SMARCA2: variants seen among roughly 807,000 people sequenced by gnomAD.
SMARCA2 encodes the protein SWI/SNF-related matrix-associated actin-dependent regulator of chromatin subfamily A member 2.
Under a neutral mutation model 199.8 loss-of-function variants are expected in SMARCA2, and 61 were observed. The observed-to-expected ratio is 0.31, with a 90% CI of 0.25 to 0.38. SMARCA2 has a LOEUF of 0.38. Among genes scored for constraint, SMARCA2 ranks in the 10% least tolerant of loss-of-function variants. SMARCA2 has a pLI of 1.00. For missense variants in SMARCA2, 1,344 were observed against 2,012.2 expected (o/e 0.67, Z 6.35); for synonymous variants, 935 against 732.0 (o/e 1.28, Z -4.48).
chr9:2,032,962 G>A lies in SMARCA2; in HGVS notation c.236G>A (p.Gly79Asp), dbSNP rs1159193102. The change falls in exon 3 of 34, where the codon GGT becomes GAT. Residue 79 changes from glycine (G) to aspartate (D), a missense_variant. By Grantham distance (94) the Gly-to-Asp change is moderately conservative. This residue lies in a region of SMARCA2 where 275 missense variants were observed against 247.5 expected (regional missense o/e 1.11). Transcript: ENST00000349721. ...CTTTAAATGTTTCAGCCCATCGATG[G>A]TATACATGACAAGGGGATTGTAGAA... ...GMHQMHKPID[G>D]IHDKGIVEDI... 6.2e-7 allele frequency: 1 copy of A among 1,613,762 alleles called. No homozygotes were observed. The highest frequency in any genetic ancestry group is 8.5e-7 in the Non-Finnish European group (1 of 1,179,766).
chr9:2,137,613 A>T (rs1001464915), intron 27 of SMARCA2, among the ~76,000 whole-genome samples: 1 of 152,134 alleles, frequency 6.6e-6, no homozygotes, highest in African/African-American at 2.4e-5. Context: ...CATATCACCT[A>T]TGTTAACTTT....
Position 2,039,928 on chromosome 9 carries a change from A to G in SMARCA2, c.790+28A>G, listed in dbSNP as rs1036166850. On this transcript the variant is annotated intron_variant, in intron 4 of 33. Coordinates refer to ENST00000349721, the MANE Select transcript of SMARCA2 (RefSeq NM_003070.5). This position sits in a 1 kb window ranked among gnomAD's most constrained non-coding sequence, Gnocchi z 4.8. ...AGGTTAATACGCAACCAAATGAATA[A>G]TGCCATGGTCCAACTCGGATAACAA... The G allele has an allele frequency of 1.2e-6, 2 of 1,609,792 alleles. No homozygotes were observed. The highest frequency in any genetic ancestry group is 1.7e-6 in the Non-Finnish European group (2 of 1,178,038).
At chr9:2,048,634 A>G (rs971587361) in intron 5 of SMARCA2, among the ~76,000 whole-genome samples, 2 of 152,254 alleles carry the variant, frequency 1.3e-5, no homozygotes, top group Non-Finnish European at 2.9e-5. Flanking sequence ...GTAATCTGAA[A>G]GAAATCAGAA....
chr9:2,083,382 G>T lies in SMARCA2; in HGVS notation c.2384G>T (p.Trp795Leu). ...AACTGGACATATGAATTTGACAAAT[G>T]GGCTCCTTCTGTGGTGAAGATTTCT... is the stretch of plus-strand genomic sequence containing the variant. ...LSNWTYEFDKWAPSVVKISYK... is the reference protein window; with the variant it reads ...LSNWTYEFDKLAPSVVKISYK... The change falls in exon 16 of 34, where the codon TGG becomes TTG. Residue 795 changes from tryptophan (W) to leucine (L), a missense_variant. By Grantham distance (61) the Trp-to-Leu change is moderately conservative. Around this residue, in one of 18 missense-constraint regions of SMARCA2, gnomAD observed 50 missense variants for 81.6 expected, o/e 0.61. Transcript: ENST00000349721. 6.2e-7 allele frequency: 1 copy of T among 1,603,336 alleles called. No homozygotes were observed. Among genetic ancestry groups the T allele is most frequent in the South Asian group, 1.1e-5 (1 of 90,166 alleles).
At chr9:2,070,952 C>T (rs1221866146) in intron 10 of SMARCA2, among the ~76,000 whole-genome samples, 1 of 152,148 alleles carries the variant, frequency 6.6e-6, no homozygotes, top group Non-Finnish European at 1.5e-5. Flanking sequence ...GTATGTTCAT[C>T]AGCCTAGTCC....
intron 27 of SMARCA2, among the ~76,000 whole-genome samples, chr9:2,157,033 A>T (rs1022011450): frequency 2.0e-5 from 3 of 152,196 alleles, no homozygotes; most frequent in Non-Finnish European, 4.4e-5. Context: ...TCAAAAACTT[A>T]CTGTCCAAAG....
At chr9:2,091,029 C>T (rs1457436526) in intron 19 of SMARCA2, among the ~76,000 whole-genome samples, 1 of 152,170 alleles carries the variant, frequency 6.6e-6, no homozygotes, top group Non-Finnish European at 1.5e-5. Flanking sequence ...TAAATACTTT[C>T]ACAGCAGTAA....
At chr9:2,145,991 C>T (rs1022996737) in intron 27 of SMARCA2, among the ~76,000 whole-genome samples, 6 of 152,134 alleles carry the variant, frequency 3.9e-5, no homozygotes, top group African/African-American at 1.4e-4. Flanking sequence ...TGGCATGCTA[C>T]AGTGTGGCAT....
At chr9:2,121,417 G>T (rs1586726804) in intron 26 of SMARCA2, among the ~76,000 whole-genome samples, 2 of 152,174 alleles carry the variant, frequency 1.3e-5, no homozygotes, top group East Asian at 3.8e-4. Flanking sequence ...ACAGATTTTA[G>T]GTTTGGTTTA....
At chr9:2,144,723 T>G (rs868684354) in intron 27 of SMARCA2, among the ~76,000 whole-genome samples, 1 of 152,206 alleles carries the variant, frequency 6.6e-6, no homozygotes, top group Non-Finnish European at 1.5e-5. Flanking sequence ...TTATGGCTTA[T>G]GTCCCCTCCA....
chr9:2,164,156 G>A (rs375816392), intron 28 of SMARCA2, among the ~76,000 whole-genome samples: 2 of 152,038 alleles, frequency 1.3e-5, no homozygotes, highest in Admixed American at 6.6e-5. Flanking sequence ...TGCTTTTTAC[G>A]CCCGACTCAC....
rs79654091 is a variant in SMARCA2, at chr9:2,088,720, G to C, written c.2883+107G>C. 0.014 allele frequency: 11,069 copies of C among 767,130 alleles called. 104 individuals are homozygous for C. The highest frequency in any genetic ancestry group is 0.019 in the Non-Finnish European group (8,550 of 451,244). 47.5% of individuals were successfully genotyped at this position (767,130 alleles called of 1,614,324 possible). A position where few individuals can be genotyped will look rare whatever the true frequency, so the allele number is the denominator to read the frequency against. ...TCTGAAACAGCAGACTCATATTGTA[G>C]TTAATAGTATCTTGAAAATATCTTA... On this transcript the variant is annotated intron_variant, in intron 19 of 33. Transcript: ENST00000349721.
At chr9:2,051,345 A>C (rs771418529) in intron 5 of SMARCA2, among the ~76,000 whole-genome samples, 5 of 152,146 alleles carry the variant, frequency 3.3e-5, no homozygotes, top group Non-Finnish European at 7.4e-5. Flanking sequence ...ACTGACAAAT[A>C]ACTGGGCTCC....
chr9:2,114,802 A>G (rs1823147840), intron 24 of SMARCA2, among the ~76,000 whole-genome samples: 1 of 152,170 alleles, frequency 6.6e-6, no homozygotes, highest in African/African-American at 2.4e-5. Flanking sequence ...GTGAAATAAC[A>G]CCTATAATCT....
At chr9:2,096,283 T>C (rs1221686939) in intron 19 of SMARCA2, among the ~76,000 whole-genome samples, 1 of 152,310 alleles carries the variant, frequency 6.6e-6, no homozygotes, top group African/African-American at 2.4e-5. Context: ...AACCGTTCTG[T>C]TCATAGGAAA....
chr9:2,019,465 G>C (rs1411326858), intron 1 of SMARCA2, among the ~76,000 whole-genome samples: 1 of 147,938 alleles, frequency 6.8e-6, no homozygotes, highest in African/African-American at 2.5e-5. Context: ...CTTGAAAAGT[G>C]CTTTGACCAA....
chr9:2,055,911 T>G (rs1432265730), intron 6 of SMARCA2, among the ~76,000 whole-genome samples: 1 of 152,264 alleles, frequency 6.6e-6, no homozygotes, highest in East Asian at 1.9e-4. Flanking sequence ...TATTGATTTC[T>G]GATTTTTGTT....
Position 2,088,598 on chromosome 9 carries a change from C to T in SMARCA2, c.2868C>T (p.Ser956=), listed in dbSNP as rs1821908848. The T allele has an allele frequency of 6.3e-7, 1 of 1,587,642 alleles. No homozygotes were observed. The highest frequency in any genetic ancestry group is 1.4e-5 in the African/African-American group (1 of 72,846). The change falls in exon 19 of 34, where the codon TCC becomes TCT. Residue 956 remains serine, a synonymous_variant. Transcript: ENST00000349721. ...LLRRLKKEVE[S]QLPEKVEYVI... ...GGAGACTGAAGAAAGAAGTTGAATC[C>T]CAGCTTCCCGAAAAAGTATGTTGCA...
At chr9:2,071,188 C>T (rs1821071270) in intron 10 of SMARCA2, among the ~76,000 whole-genome samples, 2 of 152,296 alleles carry the variant, frequency 1.3e-5, no homozygotes, top group South Asian at 4.1e-4. Context: ...GAGGTTGCCA[C>T]TTCCCATTCT....
Sources: allele counts gnomAD v4.1 joint callset (sites outside exome capture counted in the v4.1 genomes callset), GRCh38; gene constraint gnomAD v4.1.1; regional missense constraint gnomAD v4.1.1; non-coding constraint Gnocchi (gnomAD v3.1); transcripts MANE v1.5; gene names NCBI Gene and HGNC (gene_info 2026-07-23, HGNC 2026-07-21).